ZNF816: variants seen among roughly 807,000 people sequenced by gnomAD.
ZNF816 encodes zinc finger protein 816.
A neutral mutation model predicts 8.3 loss-of-function variants in ZNF816; 11 were observed. That is an observed-to-expected ratio of 1.32 (90% confidence interval 0.83 to 2.19). The LOEUF (loss-of-function observed/expected upper bound fraction) is 2.19, where lower values mean the gene tolerates loss of function less well. ZNF816 is among the 30% of genes most tolerant of loss of function. The pLI is 0.00. For missense variants in ZNF816, 710 were observed against 779.3 expected (o/e 0.91, Z 1.06); for synonymous variants, 255 against 254.5 (o/e 1.00, Z -0.02).
chr19:52,951,430 A>G lies in ZNF816; in HGVS notation c.345T>C (p.Phe115=), dbSNP rs765055103. 1 of 1,614,036 alleles carries G rather than the reference A, an allele frequency of 6.2e-7. No individual in the cohort carries two copies. Among genetic ancestry groups the G allele is most frequent in the Non-Finnish European group, 8.5e-7 (1 of 1,179,944 alleles). The change falls in exon 4 of 4, where the codon TTT becomes TTC. Residue 115 remains phenylalanine, a synonymous_variant. Transcript: ENST00000444460. ...CATTTCTTTCAACTTCTTGCCACTG[A>G]AACTCAAAGTGATGAATATCTTTCT... ...EMKKDIHHFE[F]QWQEVERNGH...
chr19:52,953,311 T>C (rs2083475367), intron 2 of ZNF816: 1 of 343,760 alleles, frequency 2.9e-6, no homozygotes, highest in Non-Finnish European at 5.9e-6. Flanking sequence ...GAGAATAACT[T>C]GAGAACAAGA....
chr19:52,962,590 G>C (rs1168428967), intron 1 of ZNF816, 137 bp downstream of exon 1: 1 of 152,198 alleles, frequency 6.6e-6, no homozygotes, highest in East Asian at 1.9e-4. Context: ...GAGGCGGGAG[G>C]ACGCGTCAGA....
chr19:52,959,176 G>A (rs1286611095), intron 1 of ZNF816, among the ~76,000 whole-genome samples: 1 of 152,172 alleles, frequency 6.6e-6, no homozygotes, highest in African/African-American at 2.4e-5. Flanking sequence ...TAACTCTTAG[G>A]CAAAACCTGA....
In ZNF816 at chr19:52,950,300, C is replaced by T. The variant is rs373941419; in HGVS notation, c.1475G>A (p.Arg492Gln). ...TCNECGKVFS[R>Q]RENLARHHRL... ...ATGATGACGTGCAAGGTTTTCTCTT[C>T]GACTAAAAACCTTGCCACATTCATT... The change falls in exon 4 of 4, where the codon CGA becomes CAA. Residue 492 changes from arginine to glutamine, a missense_variant. By Grantham distance (43) the Arg-to-Gln change is conservative. Transcript: ENST00000444460. The T allele has an allele frequency of 1.4e-4, 228 of 1,608,344 alleles. 1 individual carries two copies. Among genetic ancestry groups the T allele is most frequent in the East Asian group, 2.5e-4 (11 of 44,422 alleles).
chr19:52,953,958 C>G (rs1319157861), intron 2 of ZNF816, among the ~76,000 whole-genome samples: 1 of 145,048 alleles, frequency 6.9e-6, no homozygotes, highest in Non-Finnish European at 1.5e-5. Flanking sequence ...GGAAAATCGC[C>G]TGAACTCTGG....
chr19:52,956,233 C>T, intron 1 of ZNF816, 129 bp from the exon 2 acceptor site: 1 of 1,027,142 alleles, frequency 9.7e-7, no homozygotes, highest in Non-Finnish European at 1.4e-6. Flanking sequence ...GCACCAGAGA[C>T]CATGCAGAGA....
chr19:52,955,914 G>T, intron 2 of ZNF816, 113 bp downstream of exon 2: 1 of 1,371,086 alleles, frequency 7.3e-7, no homozygotes, highest in Non-Finnish European at 1.0e-6. Flanking sequence ...ACGGGTGAGT[G>T]CGAGCAAACG....
intron 1 of ZNF816, among the ~76,000 whole-genome samples, chr19:52,958,819 G>A (rs567600781): frequency 1.4e-4 from 22 of 152,292 alleles, no homozygotes; most frequent in Non-Finnish European, 2.6e-4. Context: ...TCTGCAGACC[G>A]TGGATCCCAA....
At position 52,955,299 on chromosome 19, in the gene ZNF816, T is replaced by C. The variant is rs186334539; in HGVS notation, c.63+728A>G. Among the ~76,000 whole-genome samples, 138 of 152,328 alleles carry C rather than the reference T, an allele frequency of 9.1e-4. No homozygotes were observed. The Middle Eastern group carries it at 0.024, about 26-fold the overall frequency. On this transcript the variant is annotated intron_variant, in intron 2 of 3. Coordinates refer to ENST00000444460, the MANE Select transcript of ZNF816 (RefSeq NM_001202457.3). ...TATTGATTTCATAATTTGAAGTCAA[T>C]GATGGAATAAAGCTAACTCTATTAC...
Position 52,950,155 on chromosome 19 carries a change from C to T in ZNF816, c.1620G>A (p.Lys540=). 1 of 1,613,830 alleles carries T rather than the reference C, an allele frequency of 6.2e-7. No homozygotes were observed. ...CACTCCGGAAAGCCTTGTCACAAAC[C>T]TTACATTTGTATGGTTTTTCCCCAG... is the stretch of plus-strand genomic sequence containing the variant. ...IHTGEKPYKC[K]VCDKAFRSDS... is the part of the protein sequence containing the mutation. Residue 540 remains lysine, a synonymous_variant, in exon 4 of 4, where the codon AAG becomes AAA. Transcript: ENST00000444460.
chr19:52,958,113 T>C (rs530818866), intron 1 of ZNF816, among the ~76,000 whole-genome samples: 21 of 152,184 alleles, frequency 1.4e-4, no homozygotes, highest in African/African-American at 4.8e-4. Context: ...AGTATCCAGG[T>C]CCATCTCAAG....
At position 52,951,254 on chromosome 19, in the gene ZNF816, C is replaced by G. The variant is rs748628130; in HGVS notation, c.521G>C (p.Gly174Ala). Reference sequence around the variant, plus strand: ...CTTGTCCAATTGGTTACTAATTTTCCCTTTAGTCTGAAACATGTGGAGTTC... The same window carrying G: ...CTTGTCCAATTGGTTACTAATTTTCGCTTTAGTCTGAAACATGTGGAGTTC... ...LPELHMFQTK[G>A]KISNQLDKSI... The change falls in exon 4 of 4, where the codon GGG becomes GCG. Residue 174 changes from glycine to alanine, a missense_variant. Physicochemically the swap from Gly to Ala is moderately conservative, Grantham distance 60. Transcript: ENST00000444460. The G allele has an allele frequency of 1.2e-6, 2 of 1,613,988 alleles. No individual in the cohort carries two copies. The highest frequency in any genetic ancestry group is 2.2e-5 in the South Asian group (2 of 91,088).
Position 52,952,464 on chromosome 19 carries a change from C to G in ZNF816, c.190+287G>C, listed in dbSNP as rs2083467835. On this transcript the variant is annotated intron_variant, in intron 3 of 3. Coordinates refer to ENST00000444460, the MANE Select transcript of ZNF816 (RefSeq NM_001202457.3). The stretch of plus-strand genomic sequence containing the variant: ...TTTCTATCTCGTATCCTGGGCCATG[C>G]TGACCATTCTGCTCAGGGCTTCCAG... 6.0e-6 allele frequency: 3 copies of G among 503,372 alleles called. No individual in the cohort carries two copies. In the East Asian group the frequency reaches 9.8e-5, roughly 16 times the overall value. 31.2% of individuals were successfully genotyped at this position (503,372 alleles called of 1,614,324 possible). A position where few individuals can be genotyped will look rare whatever the true frequency, so the allele number is the denominator to read the frequency against.
chr19:52,953,578 AAT>A (rs2083483091), intron 2 of ZNF816, among the ~76,000 whole-genome samples: 1 of 89,762 alleles, frequency 1.1e-5, no homozygotes, highest in Non-Finnish European at 1.9e-5. Flanking sequence ...TATAAAATAT[AAT>A]ATATAATACA....
rs2083523907 is a variant in ZNF816 at position 52,957,896 on chromosome 19, G to C, written c.-15-1792C>G. Reference sequence around the variant, plus strand: ...AACGGGAGTCATTATGGCCCTTACAGTCCCCCAGGAAGAGGAATGGAGACT... The same window carrying C: ...AACGGGAGTCATTATGGCCCTTACACTCCCCCAGGAAGAGGAATGGAGACT... On this transcript the variant is annotated intron_variant, in intron 1 of 3. Transcript: ENST00000444460. This position sits in a 1 kb window ranked among gnomAD's most constrained non-coding sequence, Gnocchi z 4.6. Among the ~76,000 whole-genome samples the C allele has an allele frequency of 6.6e-6, 1 of 152,162 alleles. No homozygotes were observed. The highest frequency in any genetic ancestry group is 1.5e-5 in the Non-Finnish European group (1 of 68,026).
In ZNF816 at chr19:52,957,684, C is replaced by T. The variant is rs985916091; in HGVS notation, c.-15-1580G>A. Among the ~76,000 whole-genome samples the T allele has an allele frequency of 1.1e-4, 17 of 152,184 alleles. No individual in the cohort carries two copies. The highest frequency in any genetic ancestry group is 2.1e-4 in the South Asian group (1 of 4,828). ...TTTCCAAAAAGACTATTGTTATAAT[C>T]GGAGCCATGGGAGTTTTATCAAAGC... On this transcript the variant is annotated intron_variant, in intron 1 of 3. Coordinates refer to ENST00000444460, the MANE Select transcript of ZNF816 (RefSeq NM_001202457.3). This position sits in a 1 kb window ranked among gnomAD's most constrained non-coding sequence, Gnocchi z 4.6.
rs12981764 is a variant in ZNF816 at position 52,953,662 on chromosome 19, T to C, written c.64-785A>G. On this transcript the variant is annotated intron_variant, in intron 2 of 3. Transcript: ENST00000444460. Reference sequence around the variant, plus strand: ...ATATATAATATATATTACAATATTGTATCATATATTATATATAATATTGTA... The same window carrying C: ...ATATATAATATATATTACAATATTGCATCATATATTATATATAATATTGTA... Among the ~76,000 whole-genome samples, 198 of 140,796 alleles carry C rather than the reference T, an allele frequency of 1.4e-3. 2 individuals are homozygous for C. The highest frequency in any genetic ancestry group is 4.8e-3 in the African/African-American group (184 of 38,120). 92.4% of individuals were successfully genotyped at this position (140,796 alleles called of 152,430 possible).
At chr19:52,956,434 C>A (rs903238985) in intron 1 of ZNF816, among the ~76,000 whole-genome samples, 2 of 152,210 alleles carry the variant, frequency 1.3e-5, no homozygotes, top group Non-Finnish European at 2.9e-5. Context: ...GATCTCAGCT[C>A]TCAACATGGA....
chr19:52,961,632 C>A (rs1292756957), intron 1 of ZNF816, among the ~76,000 whole-genome samples: 2 of 152,180 alleles, frequency 1.3e-5, no homozygotes, highest in African/African-American at 4.8e-5. Context: ...ACAAGGGTAA[C>A]CCCCCAAGTT....
Sources: gnomAD v4.1 joint callset for allele counts (sites outside exome capture counted in the v4.1 genomes callset) on GRCh38, gnomAD v4.1.1 for gene constraint, Gnocchi (gnomAD v3.1) non-coding constraint, MANE v1.5 for transcripts, NCBI Gene and HGNC (gene_info 2026-07-23, HGNC 2026-07-21) for gene names.